The following TULP4 variants were observed in gnomAD, a reference collection of about 807,000 sequenced individuals.
The protein encoded by TULP4 is tubby-related protein 4.
TULP4 carries 16 observed loss-of-function variants against 129.0 expected under a neutral mutation model. The ratio of observed to expected loss-of-function variants is 0.12; its 90% CI spans 0.08 to 0.19. TULP4 has a LOEUF of 0.19. Among genes scored for constraint, TULP4 ranks in the 10% least tolerant of loss-of-function variants. The pLI is 1.00. For synonymous variants in TULP4, 998 were observed against 854.0 expected, an observed-to-expected ratio of 1.17 and a Z score of -2.94; for missense variants, 1,842 against 2,059.1, an observed-to-expected ratio of 0.89 and a Z score of 2.04.
At chr6:158,452,407 T>C in intron 5 of TULP4, 139 bp downstream of exon 5, 1 of 1,093,416 alleles carries the variant, frequency 9.1e-7, no homozygotes, top group Non-Finnish European at 1.3e-6. Flanking sequence ...GTCTGTTAAC[T>C]AAAGCCACTC....
chr6:158,384,289 C>CTTTTTTTTTTTTTTTTTT (rs10634916), intron 1 of TULP4, among the ~76,000 whole-genome samples: 1 of 144,472 alleles, frequency 6.9e-6, no homozygotes, highest in Non-Finnish European at 1.5e-5. Context: ...GCCTGTTTAG[C>CTTTTTTTTTTTTTTTTTT]TTTTTTTTTT....
intron 11 of TULP4, among the ~76,000 whole-genome samples, chr6:158,498,233 A>G (rs1257134031): frequency 6.6e-6 from 1 of 152,214 alleles, no homozygotes; most frequent in Admixed American, 6.5e-5. Flanking sequence ...TTGCTTTCAC[A>G]CAGTTTCTTG....
chr6:158,469,466 G>A (rs570988965), intron 6 of TULP4, among the ~76,000 whole-genome samples: 7 of 152,084 alleles, frequency 4.6e-5, no homozygotes, highest in East Asian at 3.9e-4. Flanking sequence ...TAGAGACAGC[G>A]TCTCACCATG....
At chr6:158,461,448 TTTG>T in intron 5 of TULP4, 112 bp from the exon 6 acceptor site, 6 of 989,886 alleles carry the variant, frequency 6.1e-6, no homozygotes, top group Non-Finnish European at 7.3e-6. Flanking sequence ...TGAATATATT[TTTG>T]TTGTATTTGC....
chr6:158,296,859 C>CA (rs968113669), intron 1 of TULP4, among the ~76,000 whole-genome samples: 2 of 151,650 alleles, frequency 1.3e-5, no homozygotes, highest in African/African-American at 4.9e-5. Flanking sequence ...CTTTAAGGGG[C>CA]AAAAAAGCAG....
At chr6:158,423,553 A>T (rs1295134650) in intron 2 of TULP4, among the ~76,000 whole-genome samples, 2 of 152,226 alleles carry the variant, frequency 1.3e-5, no homozygotes, top group Non-Finnish European at 2.9e-5. Context: ...TACTCTATAC[A>T]TATATACAGT....
intron 3 of TULP4, chr6:158,437,743 G>A (rs569675479): frequency 6.6e-6 from 1 of 151,980 alleles, no homozygotes; most frequent in Non-Finnish European, 1.5e-5. Flanking sequence ...GTACAATTTA[G>A]AACTCAAGGA....
intron 1 of TULP4, among the ~76,000 whole-genome samples, chr6:158,262,378 A>G (rs1329604434): frequency 1.3e-5 from 2 of 152,100 alleles, no homozygotes; most frequent in Admixed American, 6.6e-5. Context: ...TAACACGCCT[A>G]CGGTGCTGAG....
chr6:158,358,171 T>C (rs1407890194), intron 1 of TULP4, among the ~76,000 whole-genome samples: 1 of 152,230 alleles, frequency 6.6e-6, no homozygotes, highest in African/African-American at 2.4e-5. Context: ...CAGAATGTTC[T>C]CTGCAAAACC....
chr6:158,298,358 T>C (rs567539777), intron 1 of TULP4, among the ~76,000 whole-genome samples: 1 of 152,302 alleles, frequency 6.6e-6, no homozygotes, highest in East Asian at 1.9e-4. Flanking sequence ...TATAAAAGTA[T>C]TATTTGGGAA....
intron 1 of TULP4, among the ~76,000 whole-genome samples, chr6:158,302,322 T>C (rs1779146519): frequency 6.6e-6 from 1 of 152,224 alleles, no homozygotes; most frequent in Non-Finnish European, 1.5e-5. Context: ...TAAAGCAATA[T>C]GAAAGAAATA....
At chr6:158,397,556 G>C (rs1316563653) in intron 1 of TULP4, among the ~76,000 whole-genome samples, 1 of 151,818 alleles carries the variant, frequency 6.6e-6, no homozygotes, top group African/African-American at 2.4e-5. Flanking sequence ...ATTGTTAGGT[G>C]TTTTGTTTGT....
upstream of TULP4, among the ~76,000 whole-genome samples, chr6:158,308,910 C>G (rs1158270900): frequency 2.1e-5 from 3 of 140,658 alleles, no homozygotes; most frequent in African/African-American, 7.9e-5. Flanking sequence ...CCCTCCCGGA[C>G]GGGGCGGCTG....
At chr6:158,405,342 T>C (rs1006676699) in intron 1 of TULP4, among the ~76,000 whole-genome samples, 2 of 152,032 alleles carry the variant, frequency 1.3e-5, no homozygotes, top group Non-Finnish European at 2.9e-5. Context: ...TCAAAGGAAT[T>C]AGAAAAGACA....
chr6:158,237,929 C>G, intron 1 of TULP4: 1 of 728,842 alleles, frequency 1.4e-6, no homozygotes, highest in Non-Finnish European at 2.6e-6. Context: ...CATAGCTGTT[C>G]TAGGTCACTA....
At position 158,506,940 on chromosome 6, in the gene TULP4, G is replaced by T; in HGVS notation, c.*246G>T. 1 of 498,112 alleles carries T rather than the reference G, an allele frequency of 2.0e-6. No individual in the cohort carries two copies. The highest frequency in any genetic ancestry group is 3.6e-6 in the Non-Finnish European group (1 of 276,128). The allele number at this position is 498,112 out of a possible 1,614,324, so 30.9% of individuals were successfully genotyped here. On this transcript the variant is annotated 3_prime_UTR_variant, in exon 14 of 14. Coordinates refer to ENST00000367097, the MANE Select transcript of TULP4 (RefSeq NM_020245.5). ...TTTCAGTGGCATTTGGAAGCAAAGA[G>T]TGCTAGGCACCTGCTGTTCTTTCAG...
chr6:158,263,043 G>T (rs1201211971), intron 1 of TULP4, among the ~76,000 whole-genome samples: 1 of 115,772 alleles, frequency 8.6e-6, no homozygotes, highest in Non-Finnish European at 2.0e-5. Context: ...CCCTGTGTCT[G>T]TGTATGATTG....
intron 1 of TULP4, among the ~76,000 whole-genome samples, chr6:158,381,961 T>G (rs1279883380): frequency 6.6e-6 from 1 of 152,204 alleles, no homozygotes; most frequent in African/African-American, 2.4e-5. Flanking sequence ...TCTCTCTTAC[T>G]AGACAGTGAG....
In TULP4 at chr6:158,236,795, C is replaced by CTTTTCTTTTTTT. The variant is rs1554272522; in HGVS notation, n.68+4496_68+4497insCTTTTTTTTTTT. Among the ~76,000 whole-genome samples, 8 of 63,292 alleles carry CTTTTCTTTTTTT rather than the reference C, an allele frequency of 1.3e-4. 2 individuals are homozygous for CTTTTCTTTTTTT. The highest frequency in any genetic ancestry group is 4.3e-4 in the Admixed American group (3 of 7,052). 41.5% of individuals were successfully genotyped at this position (63,292 alleles called of 152,430 possible). A position where few individuals can be genotyped will look rare whatever the true frequency, so the allele number is the denominator to read the frequency against. On this transcript the variant is annotated intron_variant and non_coding_transcript_variant, in intron 1 of 1. Coordinates refer to the TULP4 transcript ENST00000620026. ...AGATGGGTAAATGCCCAATTCTTTTCTTTTTTTTTTTTTTTTTTTTTTTTT... is the reference window on the plus strand; with the variant it reads ...AGATGGGTAAATGCCCAATTCTTTTCTTTTCTTTTTTTTTTTTTTTTTTTTTTTTTTTTTTTT...
Sources: allele counts gnomAD v4.1 joint callset (sites outside exome capture counted in the v4.1 genomes callset), GRCh38; gene constraint gnomAD v4.1.1; transcripts MANE v1.5; gene names NCBI Gene and HGNC (gene_info 2026-07-23, HGNC 2026-07-21).